TRIM49: variants seen among roughly 807,000 people sequenced by gnomAD.
TRIM49 encodes the protein tripartite motif-containing protein 49.
TRIM49 carries 5 observed loss-of-function variants against 27.4 expected under a neutral mutation model. The observed-to-expected ratio is 0.18, with a 90% CI of 0.10 to 0.38. The LOEUF is 0.38. Among genes scored for constraint, TRIM49 ranks in the 10% least tolerant of loss-of-function variants. The pLI, the probability that TRIM49 is intolerant of heterozygous loss-of-function variation, is 1.00. For missense variants in TRIM49, 188 were observed against 487.5 expected (o/e 0.39, Z 5.79); for synonymous variants, 69 against 166.0 (o/e 0.42, Z 4.49).
chr11:89,791,223 C>G, the TRIM49 span, among the ~76,000 whole-genome samples: 1 of 151,780 alleles, frequency 6.6e-6, no homozygotes, highest in African/African-American at 2.4e-5. Flanking sequence ...GTGAACAAAG[C>G]CTCCAAGAAA....
intron 2 of TRIM49, among the ~76,000 whole-genome samples, chr11:89,805,390 G>A (rs1949781159): frequency 6.7e-6 from 1 of 150,008 alleles, no homozygotes; most frequent in African/African-American, 2.5e-5. Flanking sequence ...AGAGAGACAT[G>A]TGAGCTGGTG....
chr11:89,770,384 G>A, the TRIM49 span, among the ~76,000 whole-genome samples: 1 of 134,798 alleles, frequency 7.4e-6, no homozygotes, highest in Non-Finnish European at 1.5e-5. Flanking sequence ...GACAATGGGG[G>A]CAAATATGGT....
Position 89,798,047 on chromosome 11 carries a change from T to C in TRIM49, c.*83A>G, listed in dbSNP as rs367664291. 46,370 of 764,178 alleles carry C rather than the reference T, an allele frequency of 0.061. 1,278 individuals carry two copies. The highest frequency in any genetic ancestry group is 0.22 in the African/African-American group (5,749 of 26,560). The allele number at this position is 764,178 out of a possible 1,614,324, so 47.3% of individuals were successfully genotyped here. A position where few individuals can be genotyped will look rare whatever the true frequency, so the allele number is the denominator to read the frequency against. On this transcript the variant is annotated 3_prime_UTR_variant, in exon 8 of 8. Coordinates refer to ENST00000329758, the MANE Select transcript of TRIM49 (RefSeq NM_020358.2). ...GACATAAAATAGAGCCTATTTGTCCTGTATGTTAAGGCACAAGGAAGAGGA... is the reference window on the plus strand; with the variant it reads ...GACATAAAATAGAGCCTATTTGTCCCGTATGTTAAGGCACAAGGAAGAGGA...
the TRIM49 span, chr11:89,768,114 C>T: frequency 1.2e-6 from 1 of 800,224 alleles, no homozygotes. Flanking sequence ...AAAATCGTTA[C>T]ACTGGGAAGG....
downstream of TRIM49, among the ~76,000 whole-genome samples, chr11:89,792,702 C>T (rs577111500): frequency 3.2e-4 from 49 of 152,148 alleles, no homozygotes; most frequent in Non-Finnish European, 6.2e-4. Flanking sequence ...CCAACGAGAA[C>T]AAAGACACAA....
chr11:89,770,789 C>T, the TRIM49 span, among the ~76,000 whole-genome samples: 1 of 143,840 alleles, frequency 7.0e-6, no homozygotes, highest in Non-Finnish European at 1.5e-5. Flanking sequence ...TGGCGTGAAC[C>T]CGGGAGGCGG....
the TRIM49 span, among the ~76,000 whole-genome samples, chr11:89,773,949 A>G: frequency 7.3e-6 from 1 of 136,694 alleles, no homozygotes; most frequent in South Asian, 2.3e-4. Context: ...AAGAAAAAAA[A>G]AGTTAGCAAG....
At chr11:89,788,040 G>A in the TRIM49 span, among the ~76,000 whole-genome samples, 3 of 143,418 alleles carry the variant, frequency 2.1e-5, no homozygotes, top group African/African-American at 8.2e-5. Flanking sequence ...CGGGCATGTT[G>A]CCTAAAAGGC....
intron 3 of TRIM49, 72 bp from the exon 4 acceptor site, chr11:89,803,865 A>T (rs1386084304): frequency 1.3e-6 from 1 of 776,182 alleles, no homozygotes; most frequent in Non-Finnish European, 2.1e-6. Flanking sequence ...ATGAGAGACA[A>T]ATAAGCCCCT....
At chr11:89,774,347 T>C in the TRIM49 span, among the ~76,000 whole-genome samples, 2 of 151,184 alleles carry the variant, frequency 1.3e-5, no homozygotes, top group South Asian at 4.2e-4. Context: ...GTCAACTTTC[T>C]TGCGTCTCAT....
the TRIM49 span, among the ~76,000 whole-genome samples, chr11:89,769,516 T>C: frequency 0.012 from 1,605 of 132,126 alleles, 59 homozygotes; most frequent in Non-Finnish European, 0.02. Context: ...GGAGAAGCAA[T>C]TCAGACCTCG....
chr11:89,797,060 A>G (rs183521634), downstream of TRIM49, among the ~76,000 whole-genome samples: 11 of 152,240 alleles, frequency 7.2e-5, no homozygotes, highest in African/African-American at 2.6e-4. Context: ...GTGTCTTTAA[A>G]TTTTGGTATT....
At chr11:89,768,382 T>C in the TRIM49 span, 3 of 859,602 alleles carry the variant, frequency 3.5e-6, 1 homozygote, top group East Asian at 1.0e-4. Flanking sequence ...ACTTCTGATA[T>C]TGTAATGTAC....
intron 6 of TRIM49, among the ~76,000 whole-genome samples, chr11:89,800,029 T>TA (rs1949722182): frequency 2.6e-5 from 4 of 151,164 alleles, no homozygotes. Flanking sequence ...TCCTTCTTTT[T>TA]TTTTTTTTTG....
the TRIM49 span, chr11:89,787,740 A>C: frequency 9.6e-6 from 9 of 939,054 alleles, no homozygotes; most frequent in Non-Finnish European, 1.3e-5. Flanking sequence ...TGGCATAACA[A>C]GGTGGCCAAG....
intron 2 of TRIM49, among the ~76,000 whole-genome samples, chr11:89,806,354 C>A (rs1949789492): frequency 2.0e-5 from 3 of 149,870 alleles, no homozygotes; most frequent in Admixed American, 6.6e-5. Context: ...AGAACCCTGA[C>A]TAATATAAAA....
At chr11:89,767,303 T>A in the TRIM49 span, among the ~76,000 whole-genome samples, 1 of 139,780 alleles carries the variant, frequency 7.2e-6, no homozygotes, top group Non-Finnish European at 1.5e-5. Context: ...GTCATGTCTA[T>A]GTCTAGTTAG....
At chr11:89,804,515 G>A (rs1006133027) in intron 2 of TRIM49, 42 bp from the exon 3 acceptor site, 7 of 1,528,920 alleles carry the variant, frequency 4.6e-6, no homozygotes, top group African/African-American at 2.1e-5. Context: ...GGCCTGGGTT[G>A]ATGAAAACCT....
the TRIM49 span, among the ~76,000 whole-genome samples, chr11:89,768,595 C>T: frequency 5.2e-5 from 7 of 135,408 alleles, no homozygotes; most frequent in Admixed American, 2.1e-4. Flanking sequence ...AACAGAAACC[C>T]CTGAGTCACT....
Sources: gnomAD v4.1 joint callset for allele counts (sites outside exome capture counted in the v4.1 genomes callset) on GRCh38, gnomAD v4.1.1 for gene constraint, MANE v1.5 for transcripts, NCBI Gene and HGNC (gene_info 2026-07-23, HGNC 2026-07-21) for gene names.